Variants in HPSE2 observed in about 807,000 individuals in gnomAD.
HPSE2 encodes the protein heparanase 2 (inactive).
HPSE2 carries 38 observed loss-of-function variants against 60.5 expected under a neutral mutation model. The ratio of observed to expected loss-of-function variants is 0.63; its 90% confidence interval spans 0.48 to 0.82. The LOEUF is 0.82. HPSE2 is among the 40% of genes least tolerant of loss of function. The pLI is 0.00. For synonymous variants in HPSE2, 295 were observed against 293.2 expected, an observed-to-expected ratio of 1.01 and a Z score of -0.06; for missense variants, 713 against 740.4, an observed-to-expected ratio of 0.96 and a Z score of 0.43.
At chr10:99,306,226 A>G in the HPSE2 span, among the ~76,000 whole-genome samples, 3 of 152,108 alleles carry the variant, frequency 2.0e-5, no homozygotes, top group Non-Finnish European at 4.4e-5. Flanking sequence ...AAGTGATGAA[A>G]GATCCACTGT....
At chr10:98,714,244 A>C (rs2134228684) in intron 5 of HPSE2, among the ~76,000 whole-genome samples, 1 of 152,026 alleles carries the variant, frequency 6.6e-6, no homozygotes, top group African/African-American at 2.4e-5. Context: ...ATTCACTCAG[A>C]GAAGTGTTCA....
chr10:98,902,724 T>A (rs1270351425), intron 3 of HPSE2, among the ~76,000 whole-genome samples: 6 of 152,142 alleles, frequency 3.9e-5, no homozygotes, highest in African/African-American at 1.4e-4. Flanking sequence ...GTGAAAATTT[T>A]AAAACCCTAC....
chr10:98,693,816 T>C, intron 6 of HPSE2, 84 bp downstream of exon 6: 1 of 1,108,916 alleles, frequency 9.0e-7, no homozygotes, highest in Middle Eastern at 2.0e-4. Context: ...TTATTAAATG[T>C]CAGTTATGAA....
chr10:98,569,010 T>C (rs1944423389), intron 9 of HPSE2, among the ~76,000 whole-genome samples: 1 of 152,114 alleles, frequency 6.6e-6, no homozygotes, highest in South Asian at 2.1e-4. Context: ...ACTTTAAAAG[T>C]GTAAATTTTA....
chr10:99,220,803 G>A (rs1291267666), intron 2 of HPSE2, among the ~76,000 whole-genome samples: 4 of 134,646 alleles, frequency 3.0e-5, no homozygotes, highest in African/African-American at 8.3e-5. Context: ...GTGAGACTCC[G>A]TCTCAAAAAA....
At chr10:98,527,298 C>G (rs1460379956) in intron 9 of HPSE2, among the ~76,000 whole-genome samples, 1 of 152,166 alleles carries the variant, frequency 6.6e-6, no homozygotes, top group African/African-American at 2.4e-5. Flanking sequence ...TGTAAAGTTT[C>G]TTTATTGGCT....
At chr10:98,491,661 G>A (rs1041753756) in intron 9 of HPSE2, among the ~76,000 whole-genome samples, 1 of 152,162 alleles carries the variant, frequency 6.6e-6, no homozygotes, top group Non-Finnish European at 1.5e-5. Flanking sequence ...CTCTGATATA[G>A]TAATAGGGAT....
chr10:98,925,367 T>TTC (rs1388887230), intron 3 of HPSE2, among the ~76,000 whole-genome samples: 3 of 151,638 alleles, frequency 2.0e-5, no homozygotes, highest in African/African-American at 7.3e-5. Flanking sequence ...TAATTGGCTT[T>TTC]TTTTTTTTTG....
chr10:99,232,214 TACAC>T lies in HPSE2; in HGVS notation c.448+130_448+133del, dbSNP rs59437000. 0.48 allele frequency: 426,205 copies of T among 894,672 alleles called. 74,928 individuals are homozygous for T. The highest frequency in any genetic ancestry group is 0.52 in the Non-Finnish European group (303,988 of 582,350). 55.4% of individuals were successfully genotyped at this position (894,672 alleles called of 1,614,324 possible). The stretch of plus-strand genomic sequence containing the variant: ...ATCTGCCCCAACGCGCGCGCGCGCA[TACAC>T]ACACACACACACACACACACACACA... On this transcript the variant is annotated intron_variant, in intron 2 of 11. Transcript: ENST00000370552.
chr10:98,989,870 G>T (rs1212281850), intron 3 of HPSE2, among the ~76,000 whole-genome samples: 1 of 152,014 alleles, frequency 6.6e-6, no homozygotes, highest in East Asian at 1.9e-4. Context: ...TCTTTTGTTG[G>T]CATTCTTAGA....
At chr10:98,866,136 C>CTG (rs1044223044) in intron 3 of HPSE2, among the ~76,000 whole-genome samples, 59 of 152,168 alleles carry the variant, frequency 3.9e-4, no homozygotes, top group African/African-American at 1.3e-3. Context: ...GAATGACATA[C>CTG]TGTACTTCCA....
At chr10:98,684,684 A>C (rs1350952932) in intron 6 of HPSE2, among the ~76,000 whole-genome samples, 1 of 152,150 alleles carries the variant, frequency 6.6e-6, no homozygotes, top group East Asian at 1.9e-4. Context: ...GTTACTTAGA[A>C]ACATGAAAGC....
At chr10:99,299,799 C>A in the HPSE2 span, among the ~76,000 whole-genome samples, 1 of 152,068 alleles carries the variant, frequency 6.6e-6, no homozygotes, top group Non-Finnish European at 1.5e-5. Context: ...AGATTAAAAT[C>A]CTGCTCTATT....
chr10:98,461,830 C>T, intron 11 of HPSE2: 1 of 1,585,482 alleles, frequency 6.3e-7, no homozygotes, highest in Non-Finnish European at 8.6e-7. Flanking sequence ...CTGGGGAGTG[C>T]AAAACAACGT....
chr10:99,237,475 G>A (rs920137965), upstream of HPSE2, among the ~76,000 whole-genome samples: 4 of 152,114 alleles, frequency 2.6e-5, no homozygotes, highest in Non-Finnish European at 5.9e-5. Flanking sequence ...GAAGTTCCCT[G>A]AAAAGCCTCT....
chr10:99,094,540 A>AT lies in HPSE2; in HGVS notation c.610+49697dup, dbSNP rs531721304. 6.0e-4 allele frequency among the ~76,000 whole-genome samples: 16 copies of AT among 26,612 alleles called. 4 individuals carry two copies. The highest frequency in any genetic ancestry group is 2.2e-3 in the African/African-American group (13 of 5,856). 17.5% of individuals were successfully genotyped at this position (26,612 alleles called of 152,430 possible). A position where few individuals can be genotyped will look rare whatever the true frequency, so the allele number is the denominator to read the frequency against. On this transcript the variant is annotated intron_variant, in intron 3 of 11. Transcript: ENST00000370552. ...CATATATATATATATATATATATAT[A>AT]TTTTTTTTTTTTTTTTTTTTTTTTT...
chr10:98,991,461 A>G (rs1395889824), intron 3 of HPSE2, among the ~76,000 whole-genome samples: 1 of 152,148 alleles, frequency 6.6e-6, no homozygotes, highest in Non-Finnish European at 1.5e-5. Flanking sequence ...GCCAATGAAT[A>G]TAACAAATAA....
intron 3 of HPSE2, among the ~76,000 whole-genome samples, chr10:99,075,260 T>G (rs1293158530): frequency 6.6e-6 from 1 of 152,144 alleles, no homozygotes; most frequent in Non-Finnish European, 1.5e-5. Context: ...ATTTTCTAAT[T>G]TCCCTTATGA....
At chr10:99,256,291 C>T in the HPSE2 span, among the ~76,000 whole-genome samples, 1 of 148,706 alleles carries the variant, frequency 6.7e-6, no homozygotes, top group Non-Finnish European at 1.5e-5. Flanking sequence ...GGATTAATGC[C>T]ATTTATAAAA....
Sources: allele counts gnomAD v4.1 joint callset (sites outside exome capture counted in the v4.1 genomes callset), GRCh38; gene constraint gnomAD v4.1.1; transcripts MANE v1.5; gene names NCBI Gene and HGNC (gene_info 2026-07-23, HGNC 2026-07-21).